CDC42SE2: variants seen among roughly 807,000 people sequenced by gnomAD.
CDC42SE2 encodes CDC42 small effector 2.
In CDC42SE2, 3 loss-of-function variants were observed where a neutral mutation model predicts 11.5. That is an observed-to-expected ratio of 0.26 (90% CI 0.12 to 0.67). The LOEUF is 0.67. Ranked by LOEUF, CDC42SE2 falls within the 30% of genes least tolerant of loss-of-function variation. CDC42SE2 has a pLI of 0.80. For synonymous variants in CDC42SE2, 33 were observed against 34.8 expected (o/e 0.95, Z 0.18); for missense variants, 82 against 106.8 (o/e 0.77, Z 1.02).
At chr5:131,334,241 G>A (rs1237483080) in intron 2 of CDC42SE2, among the ~76,000 whole-genome samples, 1 of 152,056 alleles carries the variant, frequency 6.6e-6, no homozygotes, top group Admixed American at 6.6e-5. Context: ...TTTGTCTTTG[G>A]TTCTTTTTGT....
chr5:131,213,482 T>A, the CDC42SE2 span, among the ~76,000 whole-genome samples: 1 of 152,112 alleles, frequency 6.6e-6, no homozygotes, highest in Non-Finnish European at 1.5e-5. Flanking sequence ...AGGGCATTGC[T>A]CTATCACTCA....
chr5:131,240,729 A>G (rs1019550015), upstream of CDC42SE2, among the ~76,000 whole-genome samples: 16 of 152,222 alleles, frequency 1.1e-4, no homozygotes, highest in African/African-American at 3.9e-4. Context: ...TTTAAACATA[A>G]AAGGGCTTAT....
intron 1 of CDC42SE2, among the ~76,000 whole-genome samples, chr5:131,254,632 C>T (rs542874485): frequency 6.6e-6 from 1 of 151,958 alleles, no homozygotes; most frequent in Non-Finnish European, 1.5e-5. Flanking sequence ...CTCCTATTAC[C>T]CACCATTTCT....
chr5:131,240,998 A>G (rs1306536324), upstream of CDC42SE2, among the ~76,000 whole-genome samples: 1 of 150,648 alleles, frequency 6.6e-6, no homozygotes, highest in Non-Finnish European at 1.5e-5. Context: ...TTGTTTTTTG[A>G]GACGGAGTCT....
intron 1 of CDC42SE2, among the ~76,000 whole-genome samples, chr5:131,277,181 A>G (rs1757121915): frequency 1.3e-5 from 2 of 152,210 alleles, no homozygotes; most frequent in Admixed American, 6.5e-5. Context: ...ACATTGACCT[A>G]GTTGAATTCA....
At chr5:131,297,962 C>T (rs766563835) in intron 1 of CDC42SE2, among the ~76,000 whole-genome samples, 45 of 151,816 alleles carry the variant, frequency 3.0e-4, no homozygotes, top group African/African-American at 1.0e-3. Context: ...TACACGAAAA[C>T]GTAATGTATT....
At chr5:131,232,461 A>T in the CDC42SE2 span, among the ~76,000 whole-genome samples, 1 of 152,064 alleles carries the variant, frequency 6.6e-6, no homozygotes, top group Non-Finnish European at 1.5e-5. Context: ...TCCTGGGCAC[A>T]GTGGCTCACG....
At position 131,392,831 on chromosome 5, in the gene CDC42SE2, T is replaced by C. The variant is rs1750704282; in HGVS notation, c.*1740T>C. 6.6e-6 allele frequency: 1 copy of C among 152,374 alleles called. No homozygotes were observed. The highest frequency in any genetic ancestry group is 1.5e-5 in the Non-Finnish European group (1 of 68,050). The allele number at this position is 152,374 out of a possible 1,614,324, so 9.4% of individuals were successfully genotyped here. ...TTCTTGAACTTCTGGCCTGTACTAC[T>C]AACTGCAGACCTCCAGAGTCACTGG... On this transcript the variant is annotated 3_prime_UTR_variant, in exon 5 of 5. Coordinates refer to ENST00000505065, the MANE Select transcript of CDC42SE2 (RefSeq NM_001375635.1).
In CDC42SE2 at chr5:131,343,713, C is replaced by CA. The variant is rs530307746; in HGVS notation, c.-285-15482dup. Among the ~76,000 whole-genome samples, 739 of 100,982 alleles carry CA rather than the reference C, an allele frequency of 7.3e-3. 3 individuals are homozygous for CA. The highest frequency in any genetic ancestry group is 0.012 in the African/African-American group (369 of 31,100). The allele number at this position is 100,982 out of a possible 152,430, so 66.2% of individuals were successfully genotyped here. On this transcript the variant is annotated intron_variant, in intron 2 of 4. Transcript: ENST00000505065. ...GGGCAACAAGAGCTAAACTCTGTCT[C>CA]AAAAAAAAAAAAAAGAGAGAGAGAG...
chr5:131,279,143 ATTTC>A (rs1757178978), intron 1 of CDC42SE2, among the ~76,000 whole-genome samples: 1 of 152,034 alleles, frequency 6.6e-6, no homozygotes, highest in African/African-American at 2.4e-5. Flanking sequence ...GTTTAAAGAA[ATTTC>A]TTTATGGTGG....
intron 1 of CDC42SE2, among the ~76,000 whole-genome samples, chr5:131,275,610 A>G (rs558405215): frequency 2.0e-4 from 30 of 152,062 alleles, no homozygotes; most frequent in African/African-American, 7.2e-4. Context: ...TTTTCTTTTT[A>G]TCAGGGATGT....
At chr5:131,285,112 A>C (rs1307216499) in intron 1 of CDC42SE2, among the ~76,000 whole-genome samples, 4 of 151,168 alleles carry the variant, frequency 2.6e-5, no homozygotes, top group Non-Finnish European at 5.9e-5. Flanking sequence ...ACATAAAAAA[A>C]CCCTGTCTCT....
chr5:131,341,317 A>G (rs1342505163), intron 2 of CDC42SE2, among the ~76,000 whole-genome samples: 1 of 152,182 alleles, frequency 6.6e-6, no homozygotes, highest in Non-Finnish European at 1.5e-5. Flanking sequence ...CATCACACAC[A>G]AAGGAAGGAA....
At chr5:131,347,902 A>G (rs1758892440) in intron 2 of CDC42SE2, among the ~76,000 whole-genome samples, 1 of 152,230 alleles carries the variant, frequency 6.6e-6, no homozygotes, top group African/African-American at 2.4e-5. Context: ...CAAAAACATG[A>G]TTATCTCAAT....
intron 3 of CDC42SE2, among the ~76,000 whole-genome samples, chr5:131,366,761 C>G (rs1363128238): frequency 6.6e-6 from 1 of 152,096 alleles, no homozygotes; most frequent in Non-Finnish European, 1.5e-5. Flanking sequence ...CAGTGACTTG[C>G]ACCTATAATC....
intron 1 of CDC42SE2, among the ~76,000 whole-genome samples, chr5:131,311,315 G>A (rs541132662): frequency 1.0e-3 from 153 of 152,144 alleles, no homozygotes; most frequent in Non-Finnish European, 1.5e-3. Flanking sequence ...GAGATCCGCT[G>A]TTAGTCTGAT....
At chr5:131,306,551 C>G (rs1032615497) in intron 1 of CDC42SE2, among the ~76,000 whole-genome samples, 4 of 152,088 alleles carry the variant, frequency 2.6e-5, no homozygotes, top group African/African-American at 9.7e-5. Context: ...TTGTTTTGCT[C>G]AAGATTGCTT....
At chr5:131,335,943 T>C (rs971142603) in intron 2 of CDC42SE2, among the ~76,000 whole-genome samples, 1 of 152,226 alleles carries the variant, frequency 6.6e-6, no homozygotes, top group Non-Finnish European at 1.5e-5. Context: ...CTGTGCCTTT[T>C]AATTGGAGCA....
chr5:131,252,125 A>G (rs1756645060), intron 1 of CDC42SE2, among the ~76,000 whole-genome samples: 1 of 145,972 alleles, frequency 6.9e-6, no homozygotes, highest in South Asian at 2.2e-4. Context: ...TGTAGGTACT[A>G]TAATTTCAGG....
Sources: gnomAD v4.1 joint callset for allele counts (sites outside exome capture counted in the v4.1 genomes callset) on GRCh38, gnomAD v4.1.1 for gene constraint, MANE v1.5 for transcripts, NCBI Gene and HGNC (gene_info 2026-07-23, HGNC 2026-07-21) for gene names.